Variants in MPDZ observed in about 807,000 individuals in gnomAD.
The protein encoded by MPDZ is multiple PDZ domain protein.
MPDZ carries 234 observed loss-of-function variants against 239.1 expected under a neutral mutation model. That is an observed-to-expected ratio of 0.98 (90% CI 0.88 to 1.09). The LOEUF (loss-of-function observed/expected upper bound fraction) is 1.09, where lower values mean the gene tolerates loss of function less well. MPDZ is among the 50% of genes least tolerant of loss of function. The probability of loss-of-function intolerance (pLI) is 0.00; values close to 1 mark genes in which losing one functional copy is unlikely to be tolerated. For missense variants in MPDZ, 3,175 were observed against 2,510.0 expected (o/e 1.26, Z -5.66); for synonymous variants, 1,048 against 881.3 (o/e 1.19, Z -3.35).
chr9:13,216,413 A>T (rs1958351609), intron 10 of MPDZ, among the ~76,000 whole-genome samples: 1 of 151,518 alleles, frequency 6.6e-6, no homozygotes, highest in South Asian at 2.1e-4. Context: ...AGGCATCCCT[A>T]ATTCATATTC....
rs1424467708 is a variant in MPDZ at position 13,225,239 on chromosome 9, A to T, written c.184-656T>A. The stretch of plus-strand genomic sequence containing the variant: ...TTATAAAGGAAAAAAAAGTTACAGT[A>T]AGCTAAGGTTAATTTATTATTGAAG... On this transcript the variant is annotated intron_variant, in intron 3 of 46. Transcript: ENST00000319217. Among the ~76,000 whole-genome samples the T allele has an allele frequency of 1.3e-5, 2 of 152,114 alleles. 1 individual carries two copies. The highest frequency in any genetic ancestry group is 2.9e-5 in the Non-Finnish European group (2 of 68,016).
intron 32 of MPDZ, among the ~76,000 whole-genome samples, chr9:13,127,211 T>G (rs1945250951): frequency 6.6e-6 from 1 of 152,192 alleles, no homozygotes; most frequent in African/African-American, 2.4e-5. Context: ...TCTGCCCCTC[T>G]TCTTCCTTTA....
At chr9:13,228,206 T>C (rs1018241188) in intron 3 of MPDZ, among the ~76,000 whole-genome samples, 3 of 152,154 alleles carry the variant, frequency 2.0e-5, no homozygotes, top group African/African-American at 7.2e-5. Flanking sequence ...CACCAAATAA[T>C]TATCTGTTTT....
intron 39 of MPDZ, among the ~76,000 whole-genome samples, chr9:13,116,934 C>T (rs1943545285): frequency 6.6e-6 from 1 of 152,086 alleles, no homozygotes; most frequent in South Asian, 2.1e-4. Flanking sequence ...CCACTAATTA[C>T]AGTAGTCCCC....
chr9:13,195,690 G>A (rs1955545946), intron 13 of MPDZ, among the ~76,000 whole-genome samples: 1 of 152,078 alleles, frequency 6.6e-6, no homozygotes, highest in African/African-American at 2.4e-5. Context: ...CTTCAGGAAG[G>A]TAAATACATA....
chr9:13,111,991 G>T (rs1274231600), intron 43 of MPDZ, 33 bp downstream of exon 43: 1 of 1,607,526 alleles, frequency 6.2e-7, no homozygotes, highest in African/African-American at 1.3e-5. Context: ...TGCACATTTT[G>T]CTAGGGCTTC....
chr9:13,259,391 C>T (rs1489374919), intron 1 of MPDZ, among the ~76,000 whole-genome samples: 1 of 152,068 alleles, frequency 6.6e-6, no homozygotes, highest in Non-Finnish European at 1.5e-5. Flanking sequence ...TAGAAAAGGA[C>T]TCAAATTCTG....
intron 12 of MPDZ, among the ~76,000 whole-genome samples, chr9:13,197,969 A>C (rs1955862431): frequency 6.6e-6 from 1 of 152,092 alleles, no homozygotes; most frequent in Non-Finnish European, 1.5e-5. Flanking sequence ...GTGTATATAC[A>C]CCACACTTTC....
At chr9:13,201,874 C>G (rs1394414323) in intron 12 of MPDZ, among the ~76,000 whole-genome samples, 1 of 152,080 alleles carries the variant, frequency 6.6e-6, no homozygotes, top group African/African-American at 2.4e-5. Flanking sequence ...ATTTTGTTTT[C>G]TATCCATATT....
rs1941419376 is a variant in MPDZ, at chr9:13,106,041, A to C, written c.*924T>G. The C allele has an allele frequency of 6.6e-6, 1 of 152,164 alleles. No individual in the cohort carries two copies. The allele number at this position is 152,164 out of a possible 1,614,324, so 9.4% of individuals were successfully genotyped here. On this transcript the variant is annotated 3_prime_UTR_variant, in exon 47 of 47. Transcript: ENST00000319217. ...ATACAACCAAAATAATTAGTAACAC[A>C]TTGTTCTCTGTCATTAAGATTAATA...
chr9:13,277,069 C>A (rs969648479), intron 1 of MPDZ, among the ~76,000 whole-genome samples: 1 of 152,158 alleles, frequency 6.6e-6, no homozygotes, highest in Middle Eastern at 3.2e-3. Context: ...AACTCTGAGA[C>A]CAGCCTCTAT....
In MPDZ at chr9:13,168,399, A is replaced by C. The variant is rs1563946992; in HGVS notation, c.3221T>G (p.Leu1074Trp). Residue 1074 changes from leucine to tryptophan, a missense_variant, in exon 22 of 47, where the codon TTG becomes TGG. Physicochemically the swap from Leu to Trp is moderately conservative, Grantham distance 61. Coordinates refer to ENST00000319217, the MANE Select transcript of MPDZ (RefSeq NM_001378778.1). ...SVTNAQARAM[L>W]RRHSLIGPDI... ...AGGGCCAATGAGAGAATGTCTTCTC[A>C]ACATAGCTCGTGCCTGGGCATTGGT... 1 of 1,613,460 alleles carries C rather than the reference A, an allele frequency of 6.2e-7. No homozygotes were observed. The highest frequency in any genetic ancestry group is 8.5e-7 in the Non-Finnish European group (1 of 1,179,510).
intron 28 of MPDZ, among the ~76,000 whole-genome samples, chr9:13,138,517 G>A (rs141175548): frequency 1.3e-5 from 2 of 152,330 alleles, no homozygotes; most frequent in Non-Finnish European, 2.9e-5. Flanking sequence ...CAGAATATCT[G>A]TGTTCACTGA....
At chr9:13,263,491 T>G (rs980852800) in intron 1 of MPDZ, among the ~76,000 whole-genome samples, 1 of 152,132 alleles carries the variant, frequency 6.6e-6, no homozygotes, top group African/African-American at 2.4e-5. Flanking sequence ...GAACAATAAT[T>G]TATTCAGCTA....
Position 13,123,249 on chromosome 9 carries a change from G to C in MPDZ, c.4857C>G (p.Thr1619=), listed in dbSNP as rs557745834. ...TTTCGCAGCCAGGGATAATGGGGCA[G>C]GTTGCAGGATCAGAAGCAAAAATTG... is the stretch of plus-strand genomic sequence containing the variant. ...TPAIFASDPA[T]CPIIPGCETT... is the part of the protein sequence containing the mutation. Residue 1619 remains threonine (T), a synonymous_variant, in exon 36 of 47, where the codon ACC becomes ACG. Transcript: ENST00000319217. 23 of 1,613,332 alleles carry C rather than the reference G, an allele frequency of 1.4e-5. No individual in the cohort carries two copies. In the South Asian group the frequency reaches 2.5e-4, roughly 18 times the overall value.
intron 19 of MPDZ, among the ~76,000 whole-genome samples, chr9:13,179,539 G>C (rs1052087373): frequency 6.6e-6 from 1 of 152,018 alleles, no homozygotes; most frequent in African/African-American, 2.4e-5. Context: ...AAACGTTTCT[G>C]GTTGCTCAAC....
intron 10 of MPDZ, among the ~76,000 whole-genome samples, chr9:13,212,667 T>C (rs1172209127): frequency 6.6e-6 from 1 of 151,286 alleles, no homozygotes; most frequent in Non-Finnish European, 1.5e-5. Context: ...GCCTATGTGC[T>C]ATCTCATGAA....
intron 3 of MPDZ, among the ~76,000 whole-genome samples, chr9:13,232,498 A>G (rs1962782363): frequency 6.6e-6 from 1 of 152,078 alleles, no homozygotes; most frequent in Non-Finnish European, 1.5e-5. Flanking sequence ...AAACATACAC[A>G]TGCACATAAA....
rs1362734880 is a variant in MPDZ, at chr9:13,236,247, G to GTATATATA, written c.183+11387_183+11388insTATATATA. 3.5e-4 allele frequency among the ~76,000 whole-genome samples: 6 copies of GTATATATA among 17,112 alleles called. 1 individual carries two copies. The highest frequency in any genetic ancestry group is 4.7e-4 in the Non-Finnish European group (4 of 8,466). The allele number at this position is 17,112 out of a possible 152,430, so 11.2% of individuals were successfully genotyped here. On this transcript the variant is annotated intron_variant, in intron 3 of 46. Coordinates refer to ENST00000319217, the MANE Select transcript of MPDZ (RefSeq NM_001378778.1). The stretch of plus-strand genomic sequence containing the variant: ...TGTGTATATGTATATGTGTGTGTGT[G>GTATATATA]TGTATATATATATATATATATTTTT...
Sources: allele counts gnomAD v4.1 joint callset (sites outside exome capture counted in the v4.1 genomes callset), GRCh38; gene constraint gnomAD v4.1.1; transcripts MANE v1.5; gene names NCBI Gene and HGNC (gene_info 2026-07-23, HGNC 2026-07-21).